The following CSMD3 variants were observed in gnomAD, a reference collection of about 807,000 sequenced individuals.
The protein encoded by CSMD3 is CUB and sushi domain-containing protein 3.
Under a neutral mutation model 435.2 loss-of-function variants are expected in CSMD3, and 177 were observed. That is an observed-to-expected ratio of 0.41 (90% CI 0.36 to 0.46). The LOEUF (loss-of-function observed/expected upper bound fraction) is 0.46, where lower values mean the gene tolerates loss of function less well. CSMD3 is among the 20% of genes least tolerant of loss of function. The pLI is 0.34. For synonymous variants in CSMD3, 1,656 were observed against 1,520.5 expected, an observed-to-expected ratio of 1.09 and a Z score of -2.07; for missense variants, 4,265 against 4,504.6, an observed-to-expected ratio of 0.95 and a Z score of 1.52.
chr8:112,799,612 T>C (rs1394926340), intron 13 of CSMD3, among the ~76,000 whole-genome samples: 1 of 151,996 alleles, frequency 6.6e-6, no homozygotes, highest in Non-Finnish European at 1.5e-5. Context: ...CTTGCATCTA[T>C]TTCTGATAAA....
chr8:112,566,778 G>A (rs1256088826), intron 24 of CSMD3, among the ~76,000 whole-genome samples: 1 of 152,080 alleles, frequency 6.6e-6, no homozygotes, highest in African/African-American at 2.4e-5. Flanking sequence ...ACATGGTGCA[G>A]GCCAGGCAAA....
chr8:112,744,844 C>T (rs959134088), intron 13 of CSMD3, among the ~76,000 whole-genome samples: 1 of 152,038 alleles, frequency 6.6e-6, no homozygotes, highest in African/African-American at 2.4e-5. Context: ...TGCAGGTAAC[C>T]TGTGCAGACT....
At chr8:112,828,517 C>T (rs1007668886) in intron 12 of CSMD3, among the ~76,000 whole-genome samples, 1 of 152,180 alleles carries the variant, frequency 6.6e-6, no homozygotes, top group African/African-American at 2.4e-5. Context: ...ACCATCCTGG[C>T]TTCCCCTTTG....
intron 19 of CSMD3, among the ~76,000 whole-genome samples, chr8:112,647,627 A>C (rs1437860537): frequency 6.6e-6 from 1 of 151,976 alleles, no homozygotes; most frequent in Non-Finnish European, 1.5e-5. Flanking sequence ...TTTTTAATGC[A>C]CCTAACACCT....
intron 22 of CSMD3, among the ~76,000 whole-genome samples, chr8:112,615,721 T>C (rs1298117112): frequency 2.0e-5 from 3 of 152,106 alleles, no homozygotes; most frequent in Non-Finnish European, 4.4e-5. Flanking sequence ...GTTCTGGTAT[T>C]CTGGAGCAGT....
At chr8:112,732,741 T>C (rs140054349) in intron 13 of CSMD3, among the ~76,000 whole-genome samples, 2 of 151,546 alleles carry the variant, frequency 1.3e-5, no homozygotes, top group African/African-American at 4.8e-5. Flanking sequence ...ATAGATATTG[T>C]CCGAATAGAC....
intron 30 of CSMD3, among the ~76,000 whole-genome samples, chr8:112,502,126 CCA>C (rs1447840541): frequency 6.6e-6 from 1 of 152,140 alleles, no homozygotes; most frequent in Admixed American, 6.5e-5. Context: ...GGCCAGCTAG[CCA>C]GGTCCCCACA....
At chr8:112,907,172 G>A (rs2082285737) in intron 10 of CSMD3, among the ~76,000 whole-genome samples, 1 of 151,408 alleles carries the variant, frequency 6.6e-6, no homozygotes, top group Non-Finnish European at 1.5e-5. Context: ...CTGAGTTAGG[G>A]TTTAGGTGGC....
chr8:112,888,575 A>C (rs2081680920), intron 10 of CSMD3, among the ~76,000 whole-genome samples: 1 of 151,734 alleles, frequency 6.6e-6, no homozygotes, highest in South Asian at 2.1e-4. Context: ...CACTCTGAGT[A>C]ATTTTAGTTT....
At chr8:113,095,116 T>C (rs1314865053) in intron 5 of CSMD3, among the ~76,000 whole-genome samples, 2 of 152,100 alleles carry the variant, frequency 1.3e-5, no homozygotes, top group Non-Finnish European at 2.9e-5. Context: ...GTGCATCTAT[T>C]ATGTAAAATT....
intron 5 of CSMD3, among the ~76,000 whole-genome samples, chr8:113,051,850 T>C (rs530560090): frequency 1.3e-5 from 2 of 152,330 alleles, no homozygotes; most frequent in South Asian, 2.1e-4. Context: ...CACTTTTTTC[T>C]ATCAAGGAAA....
intron 59 of CSMD3, among the ~76,000 whole-genome samples, chr8:112,266,827 A>T (rs1816993996): frequency 6.6e-6 from 1 of 152,204 alleles, no homozygotes; most frequent in Admixed American, 6.5e-5. Context: ...TTTAAGCTTA[A>T]TTTGGGCAGC....
At chr8:112,585,280 T>G (rs750245289) in intron 23 of CSMD3, among the ~76,000 whole-genome samples, 1 of 151,632 alleles carries the variant, frequency 6.6e-6, no homozygotes, top group Non-Finnish European at 1.5e-5. Context: ...TTTTCAACTT[T>G]GGGGAAAATA....
chr8:112,591,722 TTTAA>T (rs1418978780), intron 22 of CSMD3, among the ~76,000 whole-genome samples: 5 of 152,046 alleles, frequency 3.3e-5, no homozygotes, highest in African/African-American at 1.2e-4. Context: ...TTTCCATATG[TTTAA>T]TTATTACCAG....
At chr8:112,246,985 C>T (rs2130152160) in intron 64 of CSMD3, 35 bp downstream of exon 64, 1 of 1,396,748 alleles carries the variant, frequency 7.2e-7, no homozygotes, top group Non-Finnish European at 1.0e-6. Context: ...AAATTCTTAC[C>T]CATGATAGCA....
intron 1 of CSMD3, among the ~76,000 whole-genome samples, chr8:113,315,988 A>C (rs1446949872): frequency 2.0e-5 from 3 of 152,030 alleles, no homozygotes; most frequent in Non-Finnish European, 1.5e-5. Flanking sequence ...CGAAGTGCTG[A>C]GATTACAGGC....
At chr8:112,724,150 A>T (rs2131981841) in intron 13 of CSMD3, among the ~76,000 whole-genome samples, 1 of 152,000 alleles carries the variant, frequency 6.6e-6, no homozygotes, top group Admixed American at 6.6e-5. Context: ...TTTTTATTAT[A>T]GTGAGTAAGT....
intron 7 of CSMD3, among the ~76,000 whole-genome samples, chr8:112,974,420 T>C (rs1408295983): frequency 6.6e-6 from 1 of 151,876 alleles, no homozygotes; most frequent in Non-Finnish European, 1.5e-5. Context: ...AATAAAATAA[T>C]TTCCAGATAG....
intron 32 of CSMD3, among the ~76,000 whole-genome samples, chr8:112,417,456 C>T (rs1812033223): frequency 6.6e-6 from 1 of 152,118 alleles, no homozygotes; most frequent in African/African-American, 2.4e-5. Context: ...AGTAACTCAG[C>T]TTTGTAAATA....
Sources: allele counts gnomAD v4.1 joint callset (sites outside exome capture counted in the v4.1 genomes callset), GRCh38; gene constraint gnomAD v4.1.1; transcripts MANE v1.5; gene names NCBI Gene and HGNC (gene_info 2026-07-23, HGNC 2026-07-21).